ZNF44: variants seen among roughly 807,000 people sequenced by gnomAD.
The protein encoded by ZNF44 is zinc finger protein 44.
In ZNF44, 9 loss-of-function variants were observed where a neutral mutation model predicts 11.7. The ratio of observed to expected loss-of-function variants is 0.77; its 90% CI spans 0.46 to 1.35. The LOEUF (loss-of-function observed/expected upper bound fraction) is 1.35. Among genes scored for constraint, ZNF44 ranks in the 40% most tolerant of loss-of-function variants. ZNF44 has a pLI of 0.00. For synonymous variants in ZNF44, 224 were observed against 242.7 expected (o/e 0.92, Z 0.72); for missense variants, 696 against 743.1 (o/e 0.94, Z 0.74).
Position 12,275,037 on chromosome 19 carries a change from A to C in ZNF44, c.131-4T>G. 1 of 1,567,502 alleles carries C rather than the reference A, an allele frequency of 6.4e-7. No homozygotes were observed. The highest frequency in any genetic ancestry group is 8.6e-7 in the Non-Finnish European group (1 of 1,159,980). On this transcript the variant is annotated splice_polypyrimidine_tract_variant and splice_region_variant and intron_variant, in intron 2 of 3. Transcript: ENST00000355684. Reference sequence around the variant, plus strand: ...TTCTGGTTTTCCCATTTCATTCCTAAAAGAGAGATCCAGAAAATTCACTAT... The same window carrying C: ...TTCTGGTTTTCCCATTTCATTCCTACAAGAGAGATCCAGAAAATTCACTAT...
intron 1 of ZNF44, chr19:12,236,994 C>T (rs1916415042): frequency 6.6e-6 from 1 of 152,222 alleles, no homozygotes; most frequent in Admixed American, 6.5e-5. Flanking sequence ...GCCCCCCTGA[C>T]GGGACCCCAA....
upstream of ZNF44, among the ~76,000 whole-genome samples, chr19:12,239,808 C>G (rs1916549057): frequency 6.6e-6 from 1 of 150,932 alleles, no homozygotes; most frequent in East Asian, 2.0e-4. Context: ...CTCCTGACCT[C>G]GTGCTCCACC....
chr19:12,257,622 CTAAAAATATAAAAAT>C (rs61120027), intron 5 of ZNF44, among the ~76,000 whole-genome samples: 3 of 146,762 alleles, frequency 2.0e-5, no homozygotes, highest in South Asian at 2.2e-4. Context: ...TCCGTCTCTA[CTAAAAATATAAAAAT>C]TAAAAATATA....
At chr19:12,247,675 C>T in exon 8 of ZNF44, 1 of 1,353,288 alleles carries the variant, frequency 7.4e-7, no homozygotes, top group South Asian at 1.2e-5. Flanking sequence ...AAGGCTTTCC[C>T]ACATTCCTTA....
rs572816323 is a variant in ZNF44 at position 12,284,716 on chromosome 19, G to C, written c.4-8634C>G. 984 of 737,086 alleles carry C rather than the reference G, an allele frequency of 1.3e-3. 22 individuals are homozygous for C. The South Asian group carries it at 0.014, about 10-fold the overall frequency. The allele number at this position is 737,086 out of a possible 1,614,324, so 45.7% of individuals were successfully genotyped here. On this transcript the variant is annotated intron_variant, in intron 1 of 3. Transcript: ENST00000355684. Reference sequence around the variant, plus strand: ...ATCGGGGACTACAATGGCCATGTCCGTCTGGGAGTTAAGTGCTCCAAGGAG... The same window carrying C: ...ATCGGGGACTACAATGGCCATGTCCCTCTGGGAGTTAAGTGCTCCAAGGAG...
chr19:12,248,649 C>A, exon 8 of ZNF44: 2 of 1,309,954 alleles, frequency 1.5e-6, no homozygotes, highest in Non-Finnish European at 2.0e-6. Flanking sequence ...ACCTTCTTTA[C>A]TTTCACAGAG....
downstream of ZNF44, among the ~76,000 whole-genome samples, chr19:12,267,212 T>C (rs1046781864): frequency 6.6e-5 from 10 of 151,846 alleles, no homozygotes; most frequent in African/African-American, 2.4e-4. Flanking sequence ...ACCAGGCTAA[T>C]TTTTGTATTT....
rs776427112 is a variant in ZNF44 at position 12,228,863 on chromosome 19, CAA to C, written n.436+1595_436+1596del. On this transcript the variant is annotated intron_variant and non_coding_transcript_variant, in intron 3 of 3. Coordinates refer to the ZNF44 transcript ENST00000597563. Reference sequence around the variant, plus strand: ...ATGTTTCACTTATTAAAAAATTATACAAAGATTATTTTGTTTGGGCTGAGTCA... The same window carrying C: ...ATGTTTCACTTATTAAAAAATTATACAGATTATTTTGTTTGGGCTGAGTCA... 1.3e-3 allele frequency among the ~76,000 whole-genome samples: 192 copies of C among 152,206 alleles called. 1 individual carries two copies. Among genetic ancestry groups the C allele is most frequent in the Non-Finnish European group, 1.6e-3 (109 of 67,998 alleles).
chr19:12,273,424 T>C lies in ZNF44; in HGVS notation c.831A>G (p.Gly277=). The change falls in exon 4 of 4, where the codon GGA becomes GGG. Residue 277 remains glycine, a synonymous_variant. Transcript: ENST00000355684. ...SYLRHERTHT[G]EKPYKCKQCG... is the part of the protein sequence containing the mutation. ...ATTGTTTACATTTGTAGGGTTTCTC[T>C]CCAGTGTGAGTTCTTTCATGTCTTA... 6.2e-7 allele frequency: 1 copy of C among 1,614,172 alleles called. No homozygotes were observed. Among genetic ancestry groups the C allele is most frequent in the Non-Finnish European group, 8.5e-7 (1 of 1,180,034 alleles).
At chr19:12,264,265 A>G (rs1917641385) in intron 5 of ZNF44, among the ~76,000 whole-genome samples, 1 of 152,108 alleles carries the variant, frequency 6.6e-6, no homozygotes, top group African/African-American at 2.4e-5. Context: ...AGGTGTGAGT[A>G]TGTAGGACAC....
chr19:12,251,545 A>G (rs560608716), intron 5 of ZNF44, among the ~76,000 whole-genome samples: 1 of 152,230 alleles, frequency 6.6e-6, no homozygotes, highest in East Asian at 1.9e-4. Context: ...TCATGGAGCT[A>G]TTAAGTTACT....
At chr19:12,268,645 A>G (rs758970592), downstream of ZNF44, among the ~76,000 whole-genome samples, 4 of 152,060 alleles carry the variant, frequency 2.6e-5, no homozygotes, top group Admixed American at 6.6e-5. Context: ...GTACAGAGGC[A>G]TGATCATAGC....
chr19:12,246,288 AG>A (rs1916765637), downstream of ZNF44, among the ~76,000 whole-genome samples: 1 of 152,218 alleles, frequency 6.6e-6, no homozygotes, highest in African/African-American at 2.4e-5. Flanking sequence ...CTTAATTCAA[AG>A]TCTATCATCC....
At chr19:12,275,912 A>T (rs746925487) in intron 2 of ZNF44, 44 bp downstream of exon 2, 2 of 1,546,644 alleles carry the variant, frequency 1.3e-6, no homozygotes, top group South Asian at 2.3e-5. Context: ...ACCACAAAAC[A>T]AATGTCTCTA....
rs1294342135 is a variant in ZNF44 at position 12,273,625 on chromosome 19, A to G, written c.630T>C (p.Ser210=). Residue 210 remains serine (S), a synonymous_variant, in exon 4 of 4, where the codon AGT becomes AGC. Coordinates refer to ENST00000355684, the MANE Select transcript of ZNF44 (RefSeq NM_016264.4). The part of the protein sequence containing the change: ...ELCGKAFFWP[S]LLRMHERTHT... ...GAGTTCTTTCATGCATACGTAATAA[A>G]CTGGGCCAAAAAAAGGCTTTCCCAC... 1 of 1,613,928 alleles carries G rather than the reference A, an allele frequency of 6.2e-7. No individual in the cohort carries two copies. Among genetic ancestry groups the G allele is most frequent in the African/African-American group, 1.3e-5 (1 of 74,880 alleles).
At chr19:12,224,833 G>C (rs1159232682), downstream of ZNF44, 1 of 152,108 alleles carries the variant, frequency 6.6e-6, no homozygotes, top group Admixed American at 6.6e-5. Flanking sequence ...TTCTGTGTGG[G>C]GGAGAAGTTT....
chr19:12,248,608 C>A, exon 8 of ZNF44: 1 of 1,300,542 alleles, frequency 7.7e-7, no homozygotes, highest in Non-Finnish European at 1.0e-6. Context: ...CTGAGATTTG[C>A]AATCTGGCTG....
chr19:12,252,049 C>A, intron 5 of ZNF44, among the ~76,000 whole-genome samples: 1 of 140,688 alleles, frequency 7.1e-6, no homozygotes. Context: ...GAAACTCCAT[C>A]TCAAAAAAAA....
At chr19:12,276,661 T>C (rs1444825207) in intron 1 of ZNF44, among the ~76,000 whole-genome samples, 1 of 152,210 alleles carries the variant, frequency 6.6e-6, no homozygotes, top group Non-Finnish European at 1.5e-5. Flanking sequence ...AATCAGCCAC[T>C]GCTAGGTTTG....
Sources: allele counts gnomAD v4.1 joint callset (sites outside exome capture counted in the v4.1 genomes callset), GRCh38; gene constraint gnomAD v4.1.1; transcripts MANE v1.5; gene names NCBI Gene and HGNC (gene_info 2026-07-23, HGNC 2026-07-21).